ATP2C1: variants seen among roughly 807,000 people sequenced by gnomAD.
The protein encoded by ATP2C1 is calcium-transporting ATPase type 2C member 1.
In ATP2C1, 31 loss-of-function variants were observed where a neutral mutation model predicts 120.5. That is an observed-to-expected ratio of 0.26 (90% CI 0.19 to 0.35). The LOEUF (loss-of-function observed/expected upper bound fraction) is 0.35. Ranked by LOEUF, ATP2C1 falls within the 10% of genes least tolerant of loss-of-function variation. The pLI, the probability that ATP2C1 is intolerant of heterozygous loss-of-function variation, is 1.00. For synonymous variants in ATP2C1, 351 were observed against 358.7 expected (o/e 0.98, Z 0.24); for missense variants, 731 against 1,107.5 (o/e 0.66, Z 4.83).
At chr3:130,987,338 C>A (rs1320858828) in intron 20 of ATP2C1, among the ~76,000 whole-genome samples, 1 of 151,396 alleles carries the variant, frequency 6.6e-6, no homozygotes, top group Non-Finnish European at 1.5e-5. Flanking sequence ...GAGACAGAGT[C>A]TCCTGCTTTG....
intron 1 of ATP2C1, among the ~76,000 whole-genome samples, chr3:130,867,456 G>A (rs1451707632): frequency 2.9e-4 from 44 of 150,694 alleles, no homozygotes; most frequent in African/African-American, 1.0e-3. Context: ...CGCCTGACTG[G>A]TTTTCGTTTT....
chr3:130,984,288 T>C (rs1638442817), intron 20 of ATP2C1, among the ~76,000 whole-genome samples: 1 of 152,172 alleles, frequency 6.6e-6, no homozygotes, highest in Non-Finnish European at 1.5e-5. Flanking sequence ...ATTATTGTTA[T>C]TATTTTTTAC....
chr3:130,975,472 C>T lies in ATP2C1; in HGVS notation c.1554C>T (p.Gly518=). Residue 518 remains glycine (G), a synonymous_variant, in exon 18 of 28, where the codon GGC becomes GGT. Transcript: ENST00000510168. ...DVYQQEKARM[G]SAGLRVLALA... ...ACCAACAAGAGAAGGCACGCATGGG[C>T]TCAGCGGGACTCAGAGGTAAGGCTA... 1.2e-6 allele frequency: 2 copies of T among 1,613,658 alleles called. No homozygotes were observed. The highest frequency in any genetic ancestry group is 1.7e-6 in the Non-Finnish European group (2 of 1,179,794).
At position 130,991,273 on chromosome 3, in the gene ATP2C1, G is replaced by A. The variant is rs1009678157; in HGVS notation, c.1840-1678G>A. Among the ~76,000 whole-genome samples, 76 of 152,144 alleles carry A rather than the reference G, an allele frequency of 5.0e-4. 1 individual carries two copies. The highest frequency in any genetic ancestry group is 1.6e-3 in the African/African-American group (68 of 41,414). On this transcript the variant is annotated intron_variant, in intron 20 of 27. Coordinates refer to ENST00000510168, the MANE Select transcript of ATP2C1 (RefSeq NM_001378687.1). ...GGACTAATCAGCTACGTTAGGGTGCGGCTGAGAGATTAAGTCAGATGAGAA... is the reference window on the plus strand; with the variant it reads ...GGACTAATCAGCTACGTTAGGGTGCAGCTGAGAGATTAAGTCAGATGAGAA...
chr3:130,913,670 CACT>C, intron 2 of ATP2C1, among the ~76,000 whole-genome samples: 1 of 152,184 alleles, frequency 6.6e-6, no homozygotes, highest in African/African-American at 2.4e-5. Context: ...AGATTCTTTG[CACT>C]AAGTTTGCTT....
downstream of ATP2C1, among the ~76,000 whole-genome samples, chr3:131,004,044 A>G (rs573615667): frequency 2.0e-5 from 3 of 152,314 alleles, no homozygotes; most frequent in Admixed American, 2.0e-4. Context: ...GTAGAACGAT[A>G]ATGGCATCCC....
At chr3:130,871,673 T>G (rs992258004) in intron 1 of ATP2C1, among the ~76,000 whole-genome samples, 24 of 152,224 alleles carry the variant, frequency 1.6e-4, no homozygotes, top group African/African-American at 4.8e-4. Flanking sequence ...CACAGGTTCT[T>G]AATTGACCAT....
chr3:130,967,401 A>C lies in ATP2C1; in HGVS notation c.1290A>C (p.Leu430Phe). ...TLMGKPTEGA[L>F]IALAMKMGLD... ...TGGGGAAGCCAACAGAAGGGGCCTTAATTGCTCTTGCAATGAAGGTACGTA... is the reference window on the plus strand; with the variant it reads ...TGGGGAAGCCAACAGAAGGGGCCTTCATTGCTCTTGCAATGAAGGTACGTA... Residue 430 changes from leucine (L) to phenylalanine (F), a missense_variant, in exon 16 of 28, where the codon TTA becomes TTC. By Grantham distance (22) the Leu-to-Phe change is conservative (BLOSUM62 0). Around this residue, in one of 3 missense-constraint regions of ATP2C1, gnomAD observed 571 missense variants for 845.9 expected, o/e 0.67. Coordinates refer to ENST00000510168, the MANE Select transcript of ATP2C1 (RefSeq NM_001378687.1). 6.2e-7 allele frequency: 1 copy of C among 1,613,564 alleles called. No homozygotes were observed.
At chr3:130,951,082 C>T (rs752100485) in intron 8 of ATP2C1, among the ~76,000 whole-genome samples, 2 of 152,106 alleles carry the variant, frequency 1.3e-5, no homozygotes, top group Non-Finnish European at 2.9e-5. Flanking sequence ...GCAACTCTGA[C>T]TGTTGTAACA....
intron 7 of ATP2C1, among the ~76,000 whole-genome samples, chr3:130,941,248 G>GTGTGTGTGTGTC (rs2059896101): frequency 6.7e-6 from 1 of 148,884 alleles, no homozygotes. Flanking sequence ...GTGTGTGTGT[G>GTGTGTGTGTGTC]TGTGTGTGTG....
chr3:130,900,431 A>T (rs572380290), intron 2 of ATP2C1, among the ~76,000 whole-genome samples: 4 of 149,506 alleles, frequency 2.7e-5, no homozygotes, highest in Non-Finnish European at 4.5e-5. Context: ...AATTACTTTC[A>T]TTTATTTATT....
At chr3:130,936,178 G>A (rs1174545189) in intron 5 of ATP2C1, among the ~76,000 whole-genome samples, 2 of 151,992 alleles carry the variant, frequency 1.3e-5, no homozygotes, top group African/African-American at 4.8e-5. Context: ...ATTCCAATTA[G>A]ATCAGTAGTG....
chr3:130,941,947 A>G (rs1156597517), intron 8 of ATP2C1, among the ~76,000 whole-genome samples: 2 of 152,118 alleles, frequency 1.3e-5, no homozygotes, highest in Non-Finnish European at 2.9e-5. Context: ...ACTGTGGGAG[A>G]TACAAAGATG....
At chr3:130,879,261 G>A (rs67102245) in intron 1 of ATP2C1, among the ~76,000 whole-genome samples, 25,633 of 152,008 alleles carry the variant, frequency 0.17, 2,315 homozygotes, top group Middle Eastern at 0.27. Flanking sequence ...TAGAGGCAGC[G>A]TTTCTCCATG....
chr3:130,956,427 G>A (rs948513556), intron 11 of ATP2C1, among the ~76,000 whole-genome samples: 2 of 152,050 alleles, frequency 1.3e-5, no homozygotes, highest in African/African-American at 4.8e-5. Flanking sequence ...CAACAAGAAT[G>A]TAATACGATA....
chr3:130,996,187 T>C, intron 23 of ATP2C1, 76 bp downstream of exon 23: 1 of 1,046,922 alleles, frequency 9.6e-7, no homozygotes, highest in South Asian at 1.3e-5. Context: ...GCAGAATGCC[T>C]AGAAACTTCT....
chr3:130,898,267 C>CT (rs988415188), intron 2 of ATP2C1, among the ~76,000 whole-genome samples: 3 of 152,206 alleles, frequency 2.0e-5, no homozygotes, highest in Non-Finnish European at 2.9e-5. Flanking sequence ...ATGCCCCAAT[C>CT]TTTTTTGTTT....
At chr3:130,955,228 G>A (rs1202772215) in intron 10 of ATP2C1, 148 bp downstream of exon 10, 1 of 678,240 alleles carries the variant, frequency 1.5e-6, no homozygotes, top group African/African-American at 1.8e-5. Context: ...AACATAATTG[G>A]AAAGCCTGTA....
chr3:130,900,947 C>T (rs2057791526), intron 2 of ATP2C1, among the ~76,000 whole-genome samples: 1 of 152,180 alleles, frequency 6.6e-6, no homozygotes, highest in African/African-American at 2.4e-5. Context: ...GTTTCCCTAG[C>T]AGCATGTTTG....
Sources: gnomAD v4.1 joint callset for allele counts (sites outside exome capture counted in the v4.1 genomes callset) on GRCh38, gnomAD v4.1.1 for gene constraint, gnomAD v4.1.1 regional missense constraint, MANE v1.5 for transcripts, NCBI Gene and HGNC (gene_info 2026-07-23, HGNC 2026-07-21) for gene names.